Variants in BBS2 observed in about 807,000 individuals in gnomAD.
BBS2 encodes the protein BBSome complex member BBS2.
In BBS2, 62 loss-of-function variants were observed where a neutral mutation model predicts 83.0. The ratio of observed to expected loss-of-function variants is 0.75; its 90% CI spans 0.61 to 0.92. The LOEUF (loss-of-function observed/expected upper bound fraction) is 0.92. Ranked by LOEUF, BBS2 falls within the 40% of genes least tolerant of loss-of-function variation. BBS2 has a pLI of 0.00. For synonymous variants in BBS2, 303 were observed against 326.1 expected (o/e 0.93, Z 0.76); for missense variants, 784 against 901.0 (o/e 0.87, Z 1.66).
chr16:56,484,974 T>C (rs1963735131), intron 16 of BBS2, 107 bp from the exon 17 acceptor site: 1 of 838,296 alleles, frequency 1.2e-6, no homozygotes, highest in African/African-American at 1.7e-5. Context: ...AGAGTTATAC[T>C]TGAAATATGA....
intron 13 of BBS2, 113 bp from the exon 14 acceptor site, chr16:56,497,993 T>C: frequency 3.6e-6 from 4 of 1,101,022 alleles, no homozygotes; most frequent in South Asian, 1.4e-5. Context: ...TATATATATA[T>C]ATGCAGTGTT....
At chr16:56,505,872 T>C (rs1964407537) in intron 7 of BBS2, 78 bp downstream of exon 7, 3 of 1,086,510 alleles carry the variant, frequency 2.8e-6, no homozygotes, top group Non-Finnish European at 2.8e-6. Flanking sequence ...CCAATGTTAC[T>C]GTTCTAAGTC....
intron 17 of BBS2, chr16:56,478,843 T>C (rs1048352951): frequency 6.6e-6 from 1 of 152,208 alleles, no homozygotes; most frequent in African/African-American, 2.4e-5. Context: ...AACTCTGATG[T>C]TGCTGTCAGT....
At chr16:56,474,915 T>C in intron 17 of BBS2, 2 of 1,614,052 alleles carry the variant, frequency 1.2e-6, no homozygotes, top group South Asian at 2.2e-5. Context: ...AAGGCTGAAT[T>C]TGCCCTAGAC....
At chr16:56,470,560 G>A (rs142800758) in exon 18 of BBS2, 10 of 1,614,004 alleles carry the variant, frequency 6.2e-6, no homozygotes, top group African/African-American at 2.7e-5. Flanking sequence ...TCGCTCTGAG[G>A]CACTATTCTT....
At chr16:56,476,421 C>CT (rs369101951) in intron 17 of BBS2, 11,507 of 283,972 alleles carry the variant, frequency 0.041, 80 homozygotes, top group South Asian at 0.062. Flanking sequence ...AAAAAGTTGG[C>CT]TTTTTTTTTT....
intron 16 of BBS2, 40 bp downstream of exon 16, chr16:56,485,549 AC>A (rs771175105): frequency 6.2e-7 from 1 of 1,611,816 alleles, no homozygotes. Flanking sequence ...TCCACCAAAA[AC>A]ATTACAGATC....
chr16:56,501,296 GAAT>G (rs1964264092), intron 10 of BBS2, 54 bp downstream of exon 10: 1 of 1,509,074 alleles, frequency 6.6e-7, no homozygotes, highest in African/African-American at 1.4e-5. Context: ...AAAAAAAAAA[GAAT>G]GACTCCAAGA....
At position 56,475,554 on chromosome 16, in the gene BBS2, G is replaced by A; in HGVS notation, c.*1-4859C>T. The A allele has an allele frequency of 5.0e-6, 8 of 1,613,916 alleles. No individual in the cohort carries two copies. In the South Asian group the frequency reaches 7.7e-5, roughly 16 times the overall value. ...TTTTACTTCTTACATTGCCAAAGGT[G>A]AAGATGAAGAGGTAAGTTTCTTCTG... On this transcript the variant is annotated intron_variant, in intron 17 of 17. Coordinates refer to the BBS2 transcript ENST00000682047.
intron 17 of BBS2, among the ~76,000 whole-genome samples, chr16:56,473,121 G>A (rs1472073234): frequency 6.6e-6 from 1 of 152,026 alleles, no homozygotes; most frequent in Non-Finnish European, 1.5e-5. Flanking sequence ...TAGTAGAGAC[G>A]GGGTTTCACC....
intron 2 of BBS2, 143 bp downstream of exon 2, chr16:56,514,310 A>G (rs1179995047): frequency 2.6e-6 from 2 of 780,040 alleles, no homozygotes; most frequent in African/African-American, 3.5e-5. Flanking sequence ...GCAGATGTTA[A>G]CAGCAAAATC....
At chr16:56,501,871 A>G in intron 9 of BBS2, 1 of 359,646 alleles carries the variant, frequency 2.8e-6, no homozygotes, top group Non-Finnish European at 5.2e-6. Context: ...ATGCACACAC[A>G]CAGTTTTTAC....
intron 15 of BBS2, among the ~76,000 whole-genome samples, chr16:56,493,784 T>C (rs1325840863): frequency 5.9e-5 from 9 of 152,228 alleles, no homozygotes; most frequent in Non-Finnish European, 1.3e-4. Context: ...TACAGTAATT[T>C]GACGGAAACT....
chr16:56,480,376 A>AAAAAAAAAAAG (rs1555519799), downstream of BBS2, among the ~76,000 whole-genome samples: 1 of 142,402 alleles, frequency 7.0e-6, no homozygotes, highest in Non-Finnish European at 1.5e-5. Flanking sequence ...CAAAAAAAAA[A>AAAAAAAAAAAG]ACAAAGCTTG....
At chr16:56,511,425 AAC>A in intron 2 of BBS2, 141 bp from the exon 3 acceptor site, 2 of 1,094,448 alleles carry the variant, frequency 1.8e-6, no homozygotes, top group Non-Finnish European at 2.7e-6. Context: ...CTCACACATT[AAC>A]TGGCCCACGC....
intron 17 of BBS2, among the ~76,000 whole-genome samples, chr16:56,471,194 A>C (rs1012796091): frequency 5.0e-5 from 7 of 141,186 alleles, no homozygotes; most frequent in Non-Finnish European, 1.1e-4. Context: ...TCTACTAAAA[A>C]TACAAAAAAA....
chr16:56,505,971 T>C lies in BBS2; in HGVS notation c.783A>G (p.Ile261Met). ...DLNSDGVNELITGWSNGKVDA... is the reference protein window; with the variant it reads ...DLNSDGVNELMTGWSNGKVDA... ...TTACCTTCCCATTGGACCAACCAGT[T>C]ATCAGTTCATTCACTCCATCAGAAT... Residue 261 changes from isoleucine (I) to methionine (M), a missense_variant, in exon 7 of 17, where the codon ATA becomes ATG. Physicochemically the swap from Ile to Met is conservative, Grantham distance 10. Transcript: ENST00000245157. The C allele has an allele frequency of 6.2e-7, 1 of 1,613,964 alleles. No homozygotes were observed. Among genetic ancestry groups the C allele is most frequent in the South Asian group, 1.1e-5 (1 of 91,050 alleles).
At chr16:56,472,205 A>T (rs1411901048) in intron 17 of BBS2, among the ~76,000 whole-genome samples, 1 of 152,080 alleles carries the variant, frequency 6.6e-6, no homozygotes, top group Non-Finnish European at 1.5e-5. Flanking sequence ...CCTAGGCTCA[A>T]GTAATCCTCC....
downstream of BBS2, chr16:56,484,281 AG>A: frequency 6.0e-6 from 1 of 165,518 alleles, no homozygotes; most frequent in Non-Finnish European, 1.3e-5. Context: ...GCTAGATTAC[AG>A]GCATAAGCCC....
Sources: gnomAD v4.1 joint callset for allele counts (sites outside exome capture counted in the v4.1 genomes callset) on GRCh38, gnomAD v4.1.1 for gene constraint, MANE v1.5 for transcripts, NCBI Gene and HGNC (gene_info 2026-07-23, HGNC 2026-07-21) for gene names.